The following HCN4 variants were observed in gnomAD, a reference collection of about 807,000 sequenced individuals.
The protein encoded by HCN4 is potassium/sodium hyperpolarization-activated cyclic nucleotide-gated channel 4.
A neutral mutation model predicts 76.9 loss-of-function variants in HCN4; 29 were observed. The ratio of observed to expected loss-of-function variants is 0.38; its 90% CI spans 0.28 to 0.51. The LOEUF is 0.51. Among genes scored for constraint, HCN4 ranks in the 20% least tolerant of loss-of-function variants. HCN4 has a pLI of 0.90. For missense variants in HCN4, 1,416 were observed against 1,715.2 expected, an observed-to-expected ratio of 0.83 and a Z score of 3.08; for synonymous variants, 772 against 762.5, an observed-to-expected ratio of 1.01 and a Z score of -0.21.
At chr15:73,364,543 G>A (rs1020335881) in intron 1 of HCN4, among the ~76,000 whole-genome samples, 3 of 152,180 alleles carry the variant, frequency 2.0e-5, no homozygotes, top group South Asian at 2.1e-4. Flanking sequence ...GGAGGAGCCC[G>A]GGGAGCTATG....
At chr15:73,360,500 G>A (rs374128799) in intron 1 of HCN4, among the ~76,000 whole-genome samples, 1 of 152,098 alleles carries the variant, frequency 6.6e-6, no homozygotes, top group African/African-American at 2.4e-5. Flanking sequence ...CCTCCTCGAC[G>A]TTTTAATTCT....
rs1275768598 is a variant in HCN4 at position 73,368,334 on chromosome 15, G to GGTCCGCCCGCCGGTCA, written c.-80_-65dup. 1 of 1,208,208 alleles carries GGTCCGCCCGCCGGTCA rather than the reference G, an allele frequency of 8.3e-7. No homozygotes were observed. The highest frequency in any genetic ancestry group is 1.1e-6 in the Non-Finnish European group (1 of 935,280). The allele number at this position is 1,208,208 out of a possible 1,614,324, so 74.8% of individuals were successfully genotyped here. On this transcript the variant is annotated 5_prime_UTR_variant, in exon 1 of 8. Transcript: ENST00000261917. The surrounding 1 kb of genome is among the most constrained non-coding windows in gnomAD (Gnocchi z 6.9). ...AGCGCGGCGCCGCGGACGGGCTCCA[G>GGTCCGCCCGCCGGTCA]GTCCGCCCGCCGGTCAGTCCGCCCG...
chr15:73,333,978 G>A (rs1470908470), intron 2 of HCN4, among the ~76,000 whole-genome samples: 2 of 152,222 alleles, frequency 1.3e-5, no homozygotes, highest in Non-Finnish European at 2.9e-5. Context: ...AGTGAGGAAA[G>A]GGTAGCTCTC....
intron 2 of HCN4, chr15:73,335,391 C>A (rs2042957633): frequency 6.6e-6 from 1 of 152,300 alleles, no homozygotes; most frequent in Admixed American, 6.5e-5. Flanking sequence ...AAATCAGGTT[C>A]CACAAGCCAC....
rs777023781 is a variant in HCN4, at chr15:73,323,566, C to T, written c.2527G>A (p.Ala843Thr). Residue 843 changes from alanine to threonine, a missense_variant, in exon 8 of 8, where the codon GCC (alanine) becomes ACC (threonine). Coordinates refer to ENST00000261917, the MANE Select transcript of HCN4 (RefSeq NM_005477.3). ...GTGTCCACCTGGGACGGGCTGCTGGCGGGCGAGGCGGAGCCCAGCGCAGAA... is the reference window on the plus strand; with the variant it reads ...GTGTCCACCTGGGACGGGCTGCTGGTGGGCGAGGCGGAGCCCAGCGCAGAA... ...IPSALGSASP[A>T]SSPSQVDTPS... 46 of 1,600,510 alleles carry T rather than the reference C, an allele frequency of 2.9e-5. No individual in the cohort carries two copies. The highest frequency in any genetic ancestry group is 1.6e-4 in the Middle Eastern group (1 of 6,082).
rs2042852104 is a variant in HCN4 at position 73,320,705 on chromosome 15, C to G, written c.*1776G>C. On this transcript the variant is annotated 3_prime_UTR_variant, in exon 8 of 8. Coordinates refer to ENST00000261917, the MANE Select transcript of HCN4 (RefSeq NM_005477.3). ...CTTACCCTATCACCCAAGGCCGTCC[C>G]TCTGACCCCTCAGCCTGGGGATCCC... 6.6e-6 allele frequency: 1 copy of G among 152,432 alleles called. No homozygotes were observed. The highest frequency in any genetic ancestry group is 1.5e-5 in the Non-Finnish European group (1 of 68,212). The allele number at this position is 152,432 out of a possible 1,614,324, so 9.4% of individuals were successfully genotyped here.
intron 2 of HCN4, among the ~76,000 whole-genome samples, chr15:73,332,752 A>G (rs79241893): frequency 2.5e-3 from 386 of 152,264 alleles, no homozygotes; most frequent in African/African-American, 8.6e-3. Flanking sequence ...CAAGACTCAC[A>G]CACGGTAGCC....
chr15:73,327,957 G>T (rs889572722), intron 4 of HCN4, among the ~76,000 whole-genome samples: 1 of 152,208 alleles, frequency 6.6e-6, no homozygotes, highest in Non-Finnish European at 1.5e-5. Context: ...AGGCAGGCAG[G>T]CAGTGAATCC....
intron 1 of HCN4, among the ~76,000 whole-genome samples, chr15:73,357,421 G>C (rs2043086171): frequency 6.6e-6 from 1 of 152,000 alleles, no homozygotes; most frequent in Non-Finnish European, 1.5e-5. Context: ...GATCCCGCTG[G>C]CCTGTCCCAC....
rs1193553440 is a variant in HCN4, at chr15:73,329,580, T to C, written c.1583A>G (p.Gln528Arg). ...QSLDSSRRQY[Q>R]EKYKQVEQYM... ...CTCCCTGGGTAGACCTACCTTTTCCTGGTACTGGCGCCGGGAGGAGTCCAG... is the reference window on the plus strand; with the variant it reads ...CTCCCTGGGTAGACCTACCTTTTCCCGGTACTGGCGCCGGGAGGAGTCCAG... The change falls in exon 4 of 8, where the codon CAG (glutamine) becomes CGG (arginine). Residue 528 changes from glutamine (Q) to arginine (R), a missense_variant. Physicochemically the swap from Gln to Arg is conservative, Grantham distance 43. This residue lies in a region of HCN4 where 241 missense variants were observed against 379.4 expected (regional missense o/e 0.64). Coordinates refer to ENST00000261917, the MANE Select transcript of HCN4 (RefSeq NM_005477.3). The C allele has an allele frequency of 6.2e-7, 1 of 1,614,004 alleles. No individual in the cohort carries two copies. The highest frequency in any genetic ancestry group is 1.1e-5 in the South Asian group (1 of 91,080).
At position 73,368,126 on chromosome 15, in the gene HCN4, G is replaced by T; in HGVS notation, c.145C>A (p.Arg49=). The stretch of plus-strand genomic sequence containing the variant: ...GAGGGCGAGGGCAGTGGCCGCAGCC[G>T]GATGCTCCTGCGGCTGGGGTCTTGG... ...GRQDPSRRSI[R]LRPLPSPSPS... is the part of the protein sequence containing the mutation. Residue 49 remains arginine, a synonymous_variant, in exon 1 of 8, where the codon CGG becomes AGG. Coordinates refer to ENST00000261917, the MANE Select transcript of HCN4 (RefSeq NM_005477.3). The surrounding 1 kb of genome is among the most constrained non-coding windows in gnomAD (Gnocchi z 6.9). 1 of 1,511,934 alleles carries T rather than the reference G, an allele frequency of 6.6e-7. No individual in the cohort carries two copies. The highest frequency in any genetic ancestry group is 8.8e-7 in the Non-Finnish European group (1 of 1,132,786). The allele number at this position is 1,511,934 out of a possible 1,614,324, so 93.7% of individuals were successfully genotyped here. A position where few individuals can be genotyped will look rare whatever the true frequency, so the allele number is the denominator to read the frequency against.
intron 2 of HCN4, among the ~76,000 whole-genome samples, chr15:73,336,472 T>C (rs1402746942): frequency 6.6e-6 from 1 of 152,138 alleles, no homozygotes. Flanking sequence ...CTGTCATGCC[T>C]AAGACACACA....
At position 73,324,183 on chromosome 15, in the gene HCN4, C is replaced by T. The variant is rs1407849744; in HGVS notation, c.2049G>A (p.Ser683=). Residue 683 remains serine, a synonymous_variant, in exon 7 of 8, where the codon TCG becomes TCA. Transcript: ENST00000261917. The stretch of plus-strand genomic sequence containing the variant: ...CCTCATTGAAGTTGTCCACGCTCAG[C>T]GAGTAGAGGCGGCAGTAGGTGTCGG... The part of the protein sequence containing the change: ...VRADTYCRLY[S]LSVDNFNEVL... 3.7e-6 allele frequency: 6 copies of T among 1,614,134 alleles called. No homozygotes were observed. Among genetic ancestry groups the T allele is most frequent in the Middle Eastern group, 1.7e-4 (1 of 6,036 alleles).
At chr15:73,335,261 G>C (rs904774069) in intron 2 of HCN4, 2 of 152,424 alleles carry the variant, frequency 1.3e-5, no homozygotes, top group African/African-American at 4.8e-5. Context: ...AAGGGTACTG[G>C]AGGCACAGAC....
At position 73,367,723 on chromosome 15, in the gene HCN4, G is replaced by C. The variant is rs1016027191; in HGVS notation, c.548C>G (p.Ser183Trp). ...CTCCACTTTGATAGCGGTGTCCACC[G>C]AGGGCTGCTCGCAGGAGGCGGAGGC... Reference protein sequence around the residue: ...QPASASCEQPSVDTAIKVEGG... With the variant: ...QPASASCEQPWVDTAIKVEGG... The change falls in exon 1 of 8, where the codon TCG becomes TGG. Residue 183 changes from serine (S) to tryptophan (W), a missense_variant. This residue lies in a region of HCN4 where 355 missense variants were observed against 347.8 expected (regional missense o/e 1.02). Transcript: ENST00000261917. The surrounding 1 kb of genome is among the most constrained non-coding windows in gnomAD (Gnocchi z 7.5). The C allele has an allele frequency of 1.3e-5, 21 of 1,594,334 alleles. No homozygotes were observed. The highest frequency in any genetic ancestry group is 1.8e-5 in the Non-Finnish European group (21 of 1,177,870).
At chr15:73,361,303 G>C (rs2043103816) in intron 1 of HCN4, among the ~76,000 whole-genome samples, 1 of 152,136 alleles carries the variant, frequency 6.6e-6, no homozygotes, top group South Asian at 2.1e-4. Flanking sequence ...TCTCCCAGTG[G>C]CTTCCTAGCC....
chr15:73,368,027 G>C lies in HCN4; in HGVS notation c.244C>G (p.Arg82Gly). 7.0e-7 allele frequency: 1 copy of C among 1,425,828 alleles called. No homozygotes were observed. The highest frequency in any genetic ancestry group is 3.0e-5 in the Admixed American group (1 of 33,518). The allele number at this position is 1,425,828 out of a possible 1,614,324, so 88.3% of individuals were successfully genotyped here. A position where few individuals can be genotyped will look rare whatever the true frequency, so the allele number is the denominator to read the frequency against. The part of the protein sequence containing the change: ...LGAADSEGPA[R>G]GAGKSSTNGD... ...TTCGTGCTGGACTTGCCCGCGCCGCGGGCCGGCCCTTCGCTGTCCGCTGCC... is the reference window on the plus strand; with the variant it reads ...TTCGTGCTGGACTTGCCCGCGCCGCCGGCCGGCCCTTCGCTGTCCGCTGCC... The change falls in exon 1 of 8, where the codon CGC (arginine) becomes GGC (glycine). Residue 82 changes from arginine to glycine, a missense_variant. Arg to Gly is a moderately radical substitution (Grantham distance 125, BLOSUM62 -2). Around this residue, in one of 6 missense-constraint regions of HCN4, gnomAD observed 355 missense variants for 347.8 expected, o/e 1.02. Coordinates refer to ENST00000261917, the MANE Select transcript of HCN4 (RefSeq NM_005477.3). This position sits in a 1 kb window ranked among gnomAD's most constrained non-coding sequence, Gnocchi z 6.9.
intron 1 of HCN4, among the ~76,000 whole-genome samples, chr15:73,360,422 C>T (rs2043099953): frequency 6.6e-6 from 1 of 152,156 alleles, no homozygotes; most frequent in Non-Finnish European, 1.5e-5. Flanking sequence ...CTTGCTAAGG[C>T]CTCTCCAGAT....
chr15:73,329,494 T>C, intron 4 of HCN4, 79 bp downstream of exon 4: 1 of 1,418,892 alleles, frequency 7.0e-7, no homozygotes, highest in Non-Finnish European at 9.9e-7. Context: ...GGGCGGTTCC[T>C]GCTGGGGGCC....
Sources: allele counts gnomAD v4.1 joint callset (sites outside exome capture counted in the v4.1 genomes callset), GRCh38; gene constraint gnomAD v4.1.1; regional missense constraint gnomAD v4.1.1; non-coding constraint Gnocchi (gnomAD v3.1); transcripts MANE v1.5; gene names NCBI Gene and HGNC (gene_info 2026-07-23, HGNC 2026-07-21).